Variants in TJP2 observed in about 807,000 individuals in gnomAD.
The protein encoded by TJP2 is tight junction protein 2.
A neutral mutation model predicts 133.1 loss-of-function variants in TJP2; 91 were observed. The observed-to-expected ratio is 0.68, with a 90% confidence interval of 0.58 to 0.81. The LOEUF is 0.81. TJP2 is among the 40% of genes least tolerant of loss of function. The pLI is 0.00. For synonymous variants in TJP2, 592 were observed against 583.4 expected (o/e 1.01, Z -0.21); for missense variants, 1,541 against 1,565.6 (o/e 0.98, Z 0.26).
chr9:69,246,717 A>G lies in TJP2; in HGVS notation c.2594A>G (p.Asp865Gly), dbSNP rs773145015. ...TATINLNSAN[D>G]SWFGSLKDTI... ...ACAATCAACCTAAATTCAGCCAATGATAGCTGGTTTGGCAGCTTAAAGGAC... is the reference window on the plus strand; with the variant it reads ...ACAATCAACCTAAATTCAGCCAATGGTAGCTGGTTTGGCAGCTTAAAGGAC... Residue 865 changes from aspartate to glycine, a missense_variant, in exon 18 of 23, where the codon GAT becomes GGT. Asp to Gly is a moderately conservative substitution (Grantham distance 94, BLOSUM62 -1). Coordinates refer to ENST00000377245, the MANE Select transcript of TJP2 (RefSeq NM_004817.4). The G allele has an allele frequency of 1.2e-6, 2 of 1,614,028 alleles. No homozygotes were observed. Among genetic ancestry groups the G allele is most frequent in the African/African-American group, 1.3e-5 (1 of 74,930 alleles).
intron 2 of TJP2, among the ~76,000 whole-genome samples, chr9:69,167,003 C>T (rs1018429397): frequency 5.3e-5 from 8 of 151,340 alleles, no homozygotes; most frequent in Non-Finnish European, 1.0e-4. Context: ...GAGGCCAAGA[C>T]GGGAGAATCA....
intron 1 of TJP2, among the ~76,000 whole-genome samples, chr9:69,130,120 C>A (rs757881071): frequency 5.3e-5 from 8 of 152,030 alleles, no homozygotes; most frequent in African/African-American, 9.6e-5. Flanking sequence ...TTCCTTGTTT[C>A]CCAAGCTGCA....
intron 1 of TJP2, among the ~76,000 whole-genome samples, chr9:69,174,775 TTCTC>T (rs58801814): frequency 0.43 from 64,536 of 151,666 alleles, 13,966 homozygotes; most frequent in East Asian, 0.63. Context: ...TGTGTTTTCC[TTCTC>T]TATTTCAAAC....
In TJP2 at chr9:69,227,789, G is replaced by T. The variant is rs748959984; in HGVS notation, c.1235G>T (p.Arg412Leu). The T allele has an allele frequency of 1.2e-6, 2 of 1,611,650 alleles. No individual in the cohort carries two copies. Among genetic ancestry groups the T allele is most frequent in the Non-Finnish European group, 1.7e-6 (2 of 1,178,166 alleles). The stretch of plus-strand genomic sequence containing the variant: ...GATATTTCAGAAATAGAGTCAAACC[G>T]ATCATTTTCTCCAGAGGAGAGACGT... ...IEDISEIESN[R>L]SFSPEERRHQ... Residue 412 changes from arginine to leucine, a missense_variant, in exon 8 of 23, where the codon CGA (arginine) becomes CTA (leucine). Transcript: ENST00000377245.
Position 69,254,508 on chromosome 9 carries a change from C to A in TJP2, c.*134C>A. 8.6e-7 allele frequency: 1 copy of A among 1,164,522 alleles called. No homozygotes were observed. Among genetic ancestry groups the A allele is most frequent in the Middle Eastern group, 2.8e-4 (1 of 3,610 alleles). 72.1% of individuals were successfully genotyped at this position (1,164,522 alleles called of 1,614,324 possible). ...GGTGGGACTCCAGCTCGTGTGTCCTCATGGAGAACCCAGGGGACAGCTGGT... is the reference window on the plus strand; with the variant it reads ...GGTGGGACTCCAGCTCGTGTGTCCTAATGGAGAACCCAGGGGACAGCTGGT... On this transcript the variant is annotated 3_prime_UTR_variant, in exon 23 of 23. Transcript: ENST00000377245.
At chr9:69,148,100 T>C (rs1823295625) in intron 1 of TJP2, among the ~76,000 whole-genome samples, 1 of 151,946 alleles carries the variant, frequency 6.6e-6, no homozygotes, top group Non-Finnish European at 1.5e-5. Flanking sequence ...AATTTTGTAT[T>C]TTTAGTGGAC....
At chr9:69,171,754 C>G (rs1185841266), upstream of TJP2, among the ~76,000 whole-genome samples, 1 of 147,658 alleles carries the variant, frequency 6.8e-6, no homozygotes, top group East Asian at 2.0e-4. Context: ...AAGGGGTTGA[C>G]AGAGGTGTTC....
intron 7 of TJP2, among the ~76,000 whole-genome samples, chr9:69,227,019 A>G (rs1294281201): frequency 1.3e-5 from 2 of 152,350 alleles, no homozygotes; most frequent in Middle Eastern, 3.4e-3. Flanking sequence ...AAAATTGCCA[A>G]TAAAAATAGT....
At chr9:69,133,528 C>T (rs1289057525) in intron 1 of TJP2, among the ~76,000 whole-genome samples, 1 of 146,220 alleles carries the variant, frequency 6.8e-6, no homozygotes, top group African/African-American at 2.5e-5. Context: ...AGAATGCTTT[C>T]CTGTTTCATT....
chr9:69,154,517 T>C (rs1823640832), intron 2 of TJP2, among the ~76,000 whole-genome samples: 1 of 152,028 alleles, frequency 6.6e-6, no homozygotes, highest in African/African-American at 2.4e-5. Context: ...GGCAGGATCA[T>C]CTTTGCCTTC....
Position 69,229,346 on chromosome 9 carries a change from G to A in TJP2, c.1520+96G>A, listed in dbSNP as rs1829592659. On this transcript the variant is annotated intron_variant, in intron 10 of 22. Coordinates refer to ENST00000377245, the MANE Select transcript of TJP2 (RefSeq NM_004817.4). ...GAGTGGTGGTTTTTGCCTAGATGGTGATTTTGTACACTGTCAGCCACCTGT... is the reference window on the plus strand; with the variant it reads ...GAGTGGTGGTTTTTGCCTAGATGGTAATTTTGTACACTGTCAGCCACCTGT... The A allele has an allele frequency of 4.9e-6, 6 of 1,215,930 alleles. No individual in the cohort carries two copies. The South Asian group carries it at 7.2e-5, about 15-fold the overall frequency. The allele number at this position is 1,215,930 out of a possible 1,614,324, so 75.3% of individuals were successfully genotyped here. A position where few individuals can be genotyped will look rare whatever the true frequency, so the allele number is the denominator to read the frequency against.
chr9:69,240,184 A>C (rs1197865115), intron 17 of TJP2, 37 bp downstream of exon 17: 2 of 1,562,860 alleles, frequency 1.3e-6, no homozygotes, highest in East Asian at 4.6e-5. Flanking sequence ...TTGCTAAAAA[A>C]TGAGAAATAA....
chr9:69,211,669 C>T (rs964091577), intron 1 of TJP2, among the ~76,000 whole-genome samples: 2 of 152,190 alleles, frequency 1.3e-5, no homozygotes, highest in Non-Finnish European at 2.9e-5. Context: ...AACGCCCAAA[C>T]CTGTGTGAAT....
At chr9:69,157,118 C>T (rs1032496928) in intron 2 of TJP2, among the ~76,000 whole-genome samples, 6 of 152,120 alleles carry the variant, frequency 3.9e-5, no homozygotes, top group East Asian at 1.9e-4. Flanking sequence ...TAGGGTTCCC[C>T]GGCCAAGGAG....
intron 1 of TJP2, 83 bp from the exon 2 acceptor site, chr9:69,212,465 C>A: frequency 1.9e-6 from 2 of 1,047,578 alleles, no homozygotes; most frequent in Admixed American, 1.7e-5. Context: ...GACTTTATGT[C>A]GAGGCATTTT....
chr9:69,227,752 T>G lies in TJP2; in HGVS notation c.1211-13T>G. On this transcript the variant is annotated splice_polypyrimidine_tract_variant and intron_variant, in intron 7 of 22. Coordinates refer to ENST00000377245, the MANE Select transcript of TJP2 (RefSeq NM_004817.4). ...TATTTTATTTAAAAGTCTTTTCTTA[T>G]TTTTGAAACTAGATATTTCAGAAAT... 1 of 1,544,008 alleles carries G rather than the reference T, an allele frequency of 6.5e-7. No homozygotes were observed.
intron 2 of TJP2, among the ~76,000 whole-genome samples, chr9:69,212,837 C>T (rs911548128): frequency 1.9e-4 from 27 of 143,324 alleles, no homozygotes; most frequent in African/African-American, 6.8e-4. Context: ...AGTGTATACT[C>T]TTATCTCCAG....
At chr9:69,130,045 AAAG>A (rs1192866921) in intron 1 of TJP2, among the ~76,000 whole-genome samples, 1 of 151,906 alleles carries the variant, frequency 6.6e-6, no homozygotes, top group African/African-American at 2.4e-5. Flanking sequence ...AAAAGAAAAA[AAAG>A]AAAAAGAAAG....
At chr9:69,203,035 T>C (rs886568128) in intron 1 of TJP2, among the ~76,000 whole-genome samples, 4 of 152,094 alleles carry the variant, frequency 2.6e-5, no homozygotes, top group African/African-American at 7.2e-5. Flanking sequence ...TTCTGGGTAG[T>C]ATGCATGAAC....
Sources: allele counts gnomAD v4.1 joint callset (sites outside exome capture counted in the v4.1 genomes callset), GRCh38; gene constraint gnomAD v4.1.1; transcripts MANE v1.5; gene names NCBI Gene and HGNC (gene_info 2026-07-23, HGNC 2026-07-21).